Variants in RFX3 observed in about 807,000 individuals in gnomAD.
The protein encoded by RFX3 is transcription factor RFX3.
In RFX3, 14 loss-of-function variants were observed where a neutral mutation model predicts 98.6. The ratio of observed to expected loss-of-function variants is 0.14; its 90% CI spans 0.09 to 0.22. The LOEUF (loss-of-function observed/expected upper bound fraction) is 0.22. RFX3 is among the 10% of genes least tolerant of loss of function. The pLI is 1.00. For synonymous variants in RFX3, 383 were observed against 328.4 expected, an observed-to-expected ratio of 1.17 and a Z score of -1.80; for missense variants, 639 against 926.9, an observed-to-expected ratio of 0.69 and a Z score of 4.03.
At chr9:3,473,948 T>C (rs1167263594) in intron 1 of RFX3, among the ~76,000 whole-genome samples, 1 of 152,122 alleles carries the variant, frequency 6.6e-6, no homozygotes, top group Non-Finnish European at 1.5e-5. Context: ...GAATATAATG[T>C]TTCTGAAAAT....
chr9:3,445,766 CCT>C (rs1214754420), intron 1 of RFX3, among the ~76,000 whole-genome samples: 1 of 152,104 alleles, frequency 6.6e-6, no homozygotes, highest in Non-Finnish European at 1.5e-5. Flanking sequence ...AGCATAATTT[CCT>C]GTTATTTCTC....
chr9:3,375,643 G>A (rs189390016), intron 2 of RFX3, among the ~76,000 whole-genome samples: 5 of 152,148 alleles, frequency 3.3e-5, no homozygotes, highest in African/African-American at 7.2e-5. Flanking sequence ...ACCTATGTGA[G>A]TGTATTATAG....
rs202125956 is a variant in RFX3 at position 3,266,334 on chromosome 9, A to C, written c.1358-29T>G. ...AACATTAAAGAATAAAAGCAGGATA[A>C]AAAAAAGTATGAAAGAATATTAATG... On this transcript the variant is annotated intron_variant, in intron 11 of 16. Coordinates refer to ENST00000617270, the MANE Select transcript of RFX3 (RefSeq NM_001282116.2). 2.6e-4 allele frequency: 374 copies of C among 1,420,886 alleles called. 5 individuals carry two copies. In the African/African-American group the frequency reaches 4.9e-3, roughly 18 times the overall value. The allele number at this position is 1,420,886 out of a possible 1,614,324, so 88.0% of individuals were successfully genotyped here. A position where few individuals can be genotyped will look rare whatever the true frequency, so the allele number is the denominator to read the frequency against.
chr9:3,502,071 G>A (rs932320000), intron 1 of RFX3, among the ~76,000 whole-genome samples: 1 of 151,128 alleles, frequency 6.6e-6, no homozygotes, highest in East Asian at 2.0e-4. Flanking sequence ...CTAACACAGT[G>A]AAACCCCGTC....
At chr9:3,403,270 G>A (rs977112873) in intron 1 of RFX3, among the ~76,000 whole-genome samples, 2 of 151,984 alleles carry the variant, frequency 1.3e-5, no homozygotes, top group Non-Finnish European at 2.9e-5. Context: ...TTTATTCATT[G>A]TAAAACACAG....
chr9:3,395,540 G>C lies in RFX3; in HGVS notation c.49C>G (p.Gln17Glu). 1.2e-6 allele frequency: 2 copies of C among 1,614,084 alleles called. No homozygotes were observed. Among genetic ancestry groups the C allele is most frequent in the Non-Finnish European group, 1.7e-6 (2 of 1,179,960 alleles). The change falls in exon 2 of 17, where the codon CAA becomes GAA. Residue 17 changes from glutamine (Q) to glutamate (E), a missense_variant. Physicochemically the swap from Gln to Glu is conservative, Grantham distance 29. This residue lies in a region of RFX3 where 210 missense variants were observed against 197.7 expected (regional missense o/e 1.06). Transcript: ENST00000617270. ...GCTGCTTGACTAGCCACAGATGTTT[G>C]TAAGGTCACTGTCGAGCCTGTGTCC... ...GSDTGSTVTL[Q>E]TSVASQAAVP...
chr9:3,283,921 G>A (rs2991326), intron 7 of RFX3, among the ~76,000 whole-genome samples: 2,398 of 151,788 alleles, frequency 0.016, 62 homozygotes, highest in African/African-American at 0.054. Flanking sequence ...ATAAAGACAA[G>A]AGTTCTTAAC....
intron 1 of RFX3, among the ~76,000 whole-genome samples, chr9:3,516,845 G>T (rs926390252): frequency 2.0e-5 from 3 of 152,130 alleles, no homozygotes; most frequent in Non-Finnish European, 4.4e-5. Flanking sequence ...TCAGACACTT[G>T]TCTGGCACAC....
chr9:3,313,583 G>A (rs903727478), intron 4 of RFX3, among the ~76,000 whole-genome samples: 6 of 152,190 alleles, frequency 3.9e-5, no homozygotes, highest in African/African-American at 1.4e-4. Flanking sequence ...CTGAGCTAAA[G>A]GAGGATGTTC....
At chr9:3,324,537 A>G (rs1487192890) in intron 4 of RFX3, among the ~76,000 whole-genome samples, 1 of 151,340 alleles carries the variant, frequency 6.6e-6, no homozygotes, top group African/African-American at 2.4e-5. Flanking sequence ...TCCAAGACAT[A>G]TTGTTAGGTG....
chr9:3,265,758 A>C (rs1388027009), intron 12 of RFX3, among the ~76,000 whole-genome samples: 2 of 152,176 alleles, frequency 1.3e-5, no homozygotes, highest in Admixed American at 6.6e-5. Context: ...AACATCCTGA[A>C]AAAGCAAAAC....
intron 3 of RFX3, among the ~76,000 whole-genome samples, chr9:3,333,066 C>G (rs1832775663): frequency 6.6e-6 from 1 of 152,202 alleles, no homozygotes. Context: ...CTACTCCCAT[C>G]AGTACTCTCA....
At chr9:3,358,477 T>C (rs572058316) in intron 2 of RFX3, among the ~76,000 whole-genome samples, 1 of 152,222 alleles carries the variant, frequency 6.6e-6, no homozygotes, top group Non-Finnish European at 1.5e-5. Context: ...GCTGGCTAAC[T>C]TGTCTAGGAT....
In RFX3 at chr9:3,329,407, C is replaced by CAAAAAAAAAAAAAAAAAAA. The variant is rs1202028884; in HGVS notation, c.474+833_474+851dup. On this transcript the variant is annotated intron_variant, in intron 4 of 16. Coordinates refer to ENST00000617270, the MANE Select transcript of RFX3 (RefSeq NM_001282116.2). Reference sequence around the variant, plus strand: ...TGGGCCACAGAGTAAGACTTCATCTCAAAAAAAAAAAAAAAAAAAAACAAA... The same window carrying CAAAAAAAAAAAAAAAAAAA: ...TGGGCCACAGAGTAAGACTTCATCTCAAAAAAAAAAAAAAAAAAAAAAAAAAAAAAAAAAAAAAAACAAA... 7.1e-4 allele frequency among the ~76,000 whole-genome samples: 27 copies of CAAAAAAAAAAAAAAAAAAA among 38,136 alleles called. 1 individual carries two copies. Among genetic ancestry groups the CAAAAAAAAAAAAAAAAAAA allele is most frequent in the Non-Finnish European group, 9.9e-4 (21 of 21,194 alleles). The allele number at this position is 38,136 out of a possible 152,430, so 25.0% of individuals were successfully genotyped here. A position where few individuals can be genotyped will look rare whatever the true frequency, so the allele number is the denominator to read the frequency against.
chr9:3,453,313 T>C (rs528127637), intron 1 of RFX3, among the ~76,000 whole-genome samples: 3 of 152,140 alleles, frequency 2.0e-5, no homozygotes, highest in Admixed American at 6.6e-5. Flanking sequence ...GGGAACTAAA[T>C]ACTTATCACT....
rs141539426 is a variant in RFX3 at position 3,395,400 on chromosome 9, TG to T, written c.117+71del. On this transcript the variant is annotated intron_variant, in intron 2 of 16. Transcript: ENST00000617270. ...AAGACAGTAAAGTTCAAATAATTTT[TG>T]GATACAGGTATGTTGGACAGCCAAC... The T allele has an allele frequency of 7.9e-3, 12,178 of 1,541,778 alleles. 830 individuals carry two copies. The African/African-American group carries it at 0.15, about 19-fold the overall frequency.
intron 1 of RFX3, among the ~76,000 whole-genome samples, chr9:3,397,060 G>A (rs943188255): frequency 6.6e-6 from 1 of 152,086 alleles, no homozygotes; most frequent in Non-Finnish European, 1.5e-5. Context: ...TGAAAGATGA[G>A]GGAGACTACT....
At position 3,218,571 on chromosome 9, in the gene RFX3, T is replaced by C. The variant is rs1160628909; in HGVS notation, c.*6471A>G. On this transcript the variant is annotated 3_prime_UTR_variant, in exon 17 of 17. Transcript: ENST00000617270. ...CTGCCAATTTTGAGAGGACATGATA[T>C]ACTAAAAGATTTAGCATTTCTCACA... 6.6e-6 allele frequency: 1 copy of C among 152,178 alleles called. No homozygotes were observed. The highest frequency in any genetic ancestry group is 1.5e-5 in the Non-Finnish European group (1 of 68,030). 9.4% of individuals were successfully genotyped at this position (152,178 alleles called of 1,614,324 possible).
At chr9:3,329,508 T>C (rs1435844146) in intron 4 of RFX3, among the ~76,000 whole-genome samples, 1 of 151,800 alleles carries the variant, frequency 6.6e-6, no homozygotes, top group Non-Finnish European at 1.5e-5. Flanking sequence ...CCTAAGATAC[T>C]GTTTGCTCAT....
Sources: gnomAD v4.1 joint callset for allele counts (sites outside exome capture counted in the v4.1 genomes callset) on GRCh38, gnomAD v4.1.1 for gene constraint, gnomAD v4.1.1 regional missense constraint, MANE v1.5 for transcripts, NCBI Gene and HGNC (gene_info 2026-07-23, HGNC 2026-07-21) for gene names.